Variants in PTPRN2 observed in about 807,000 individuals in gnomAD.
PTPRN2 encodes the protein protein tyrosine phosphatase receptor type N2.
Under a neutral mutation model 118.8 loss-of-function variants are expected in PTPRN2, and 74 were observed. That is an observed-to-expected ratio of 0.62 (90% confidence interval 0.52 to 0.76). PTPRN2 has a LOEUF of 0.76. Among genes scored for constraint, PTPRN2 ranks in the 30% least tolerant of loss-of-function variants. The pLI, the probability that PTPRN2 is intolerant of heterozygous loss-of-function variation, is 0.00. For missense variants in PTPRN2, 1,481 were observed against 1,394.4 expected, an observed-to-expected ratio of 1.06 and a Z score of -0.99; for synonymous variants, 641 against 608.0, an observed-to-expected ratio of 1.05 and a Z score of -0.80.
intron 1 of PTPRN2, among the ~76,000 whole-genome samples, chr7:158,575,349 C>T (rs186424924): frequency 1.2e-4 from 18 of 152,246 alleles, no homozygotes; most frequent in Non-Finnish European, 1.8e-4. Flanking sequence ...AAACCAAACA[C>T]GTCACTTTTT....
intron 2 of PTPRN2, among the ~76,000 whole-genome samples, chr7:158,373,662 T>C (rs1485392712): frequency 2.0e-5 from 3 of 152,230 alleles, no homozygotes. Flanking sequence ...TTCATCCATC[T>C]TTGAAATGAA....
intron 1 of PTPRN2, among the ~76,000 whole-genome samples, chr7:158,552,480 C>T (rs965723388): frequency 3.3e-5 from 5 of 152,202 alleles, no homozygotes; most frequent in Admixed American, 2.6e-4. Context: ...GGCTGGAGTG[C>T]GGGCTGGAGT....
intron 10 of PTPRN2, among the ~76,000 whole-genome samples, chr7:158,087,122 C>T (rs181465604): frequency 2.0e-5 from 3 of 152,352 alleles, no homozygotes; most frequent in Non-Finnish European, 4.4e-5. Context: ...AGCTGTCAGT[C>T]TGTGCCCTGC....
At chr7:158,536,346 G>A (rs1825643023) in intron 1 of PTPRN2, among the ~76,000 whole-genome samples, 1 of 152,202 alleles carries the variant, frequency 6.6e-6, no homozygotes, top group Admixed American at 6.5e-5. Flanking sequence ...AAGAAGTTAA[G>A]TAAGTGCTGC....
chr7:157,608,948 C>T (rs1011916411), intron 15 of PTPRN2, among the ~76,000 whole-genome samples: 20 of 152,158 alleles, frequency 1.3e-4, no homozygotes, highest in Non-Finnish European at 2.6e-4. Flanking sequence ...TACTGAGAGG[C>T]CAGGAAAATG....
intron 1 of PTPRN2, among the ~76,000 whole-genome samples, chr7:158,569,524 G>A (rs1827854724): frequency 6.6e-6 from 1 of 152,158 alleles, no homozygotes; most frequent in African/African-American, 2.4e-5. Flanking sequence ...CGGCTCTCAG[G>A]GTCCTGCTCT....
intron 17 of PTPRN2, among the ~76,000 whole-genome samples, chr7:157,593,097 C>T (rs577342706): frequency 4.9e-5 from 7 of 144,298 alleles, no homozygotes; most frequent in East Asian, 2.1e-4. Flanking sequence ...AGAGGCTTCA[C>T]GCAGGATGGA....
At chr7:157,702,468 G>C (rs1405280540) in intron 12 of PTPRN2, among the ~76,000 whole-genome samples, 1 of 152,206 alleles carries the variant, frequency 6.6e-6, no homozygotes, top group Non-Finnish European at 1.5e-5. Flanking sequence ...AAGCTGAGGT[G>C]TGTGCACCTC....
chr7:157,773,354 C>A (rs149441123), intron 12 of PTPRN2, among the ~76,000 whole-genome samples: 1 of 152,152 alleles, frequency 6.6e-6, no homozygotes, highest in African/African-American at 2.4e-5. Context: ...AGGAGAGAGG[C>A]GGCTCCCAAC....
intron 6 of PTPRN2, among the ~76,000 whole-genome samples, chr7:158,138,805 C>T: frequency 6.6e-6 from 1 of 152,188 alleles, no homozygotes; most frequent in East Asian, 1.9e-4. Flanking sequence ...TTCCAGAAAA[C>T]ACTGGAATGA....
chr7:157,766,268 T>G (rs955338272), intron 12 of PTPRN2, among the ~76,000 whole-genome samples: 1 of 141,740 alleles, frequency 7.1e-6, no homozygotes, highest in Non-Finnish European at 1.5e-5. Flanking sequence ...CCATCCATCC[T>G]TCCATCCATT....
chr7:157,773,523 A>T (rs1441214967), intron 12 of PTPRN2, among the ~76,000 whole-genome samples: 3 of 152,194 alleles, frequency 2.0e-5, no homozygotes, highest in Non-Finnish European at 2.9e-5. Flanking sequence ...TTTCTCCATC[A>T]GCCCGCTGCG....
At chr7:157,887,036 G>A (rs1796495648) in intron 12 of PTPRN2, among the ~76,000 whole-genome samples, 1 of 151,682 alleles carries the variant, frequency 6.6e-6, no homozygotes, top group Non-Finnish European at 1.5e-5. Context: ...GGCCTGTCCT[G>A]GGGCCATCGA....
Position 158,525,683 on chromosome 7 carries a change from G to C in PTPRN2, c.113-35898C>G, listed in dbSNP as rs915307262. 6.6e-6 allele frequency among the ~76,000 whole-genome samples: 1 copy of C among 152,220 alleles called. No homozygotes were observed. Among genetic ancestry groups the C allele is most frequent in the African/African-American group, 2.4e-5 (1 of 41,456 alleles). Reference sequence around the variant, plus strand: ...TTAAAGATCCTTTCATGCACAATGAGTATTTATCTAATGTGCCCTCCTCAT... The same window carrying C: ...TTAAAGATCCTTTCATGCACAATGACTATTTATCTAATGTGCCCTCCTCAT... On this transcript the variant is annotated intron_variant, in intron 1 of 22. Transcript: ENST00000389418. This position sits in a 1 kb window ranked among gnomAD's most constrained non-coding sequence, Gnocchi z 4.1.
In PTPRN2 at chr7:157,595,289, C is replaced by T. The variant is rs139538258; in HGVS notation, c.2445G>A (p.Ala815=). The T allele has an allele frequency of 9.8e-5, 158 of 1,614,220 alleles. No individual in the cohort carries two copies. In the Middle Eastern group the frequency reaches 1.8e-3, roughly 19 times the overall value. ...GCAGCGGTCCCTGGGTGGCGATGTA[C>T]GCGGGGTTCCTCGGGTCGTGATCCA... is the stretch of plus-strand genomic sequence containing the variant. The part of the protein sequence containing the change: ...PIMDHDPRNP[A]YIATQGPLPA... The change falls in exon 17 of 23, where the codon GCG becomes GCA. Residue 815 remains alanine, a synonymous_variant. Coordinates refer to ENST00000389418, the MANE Select transcript of PTPRN2 (RefSeq NM_002847.5).
chr7:157,845,064 T>C lies in PTPRN2; in HGVS notation c.1788+53609A>G, dbSNP rs200292856. Among the ~76,000 whole-genome samples the C allele has an allele frequency of 1.9e-3, 286 of 152,220 alleles. 2 individuals carry two copies. The highest frequency in any genetic ancestry group is 6.5e-3 in the African/African-American group (269 of 41,544). On this transcript the variant is annotated intron_variant, in intron 12 of 22. Transcript: ENST00000389418. The surrounding 1 kb of genome is among the most constrained non-coding windows in gnomAD (Gnocchi z 4.5). Reference sequence around the variant, plus strand: ...CCAGGGTTTGCCCTTGGTGTAGAGATAGACAAAGGGAGAGGTGAGCACAAG... The same window carrying C: ...CCAGGGTTTGCCCTTGGTGTAGAGACAGACAAAGGGAGAGGTGAGCACAAG...
chr7:157,595,440 G>C (rs1801243625), intron 16 of PTPRN2, 125 bp from the exon 17 acceptor site: 1 of 835,108 alleles, frequency 1.2e-6, no homozygotes, highest in Non-Finnish European at 1.9e-6. Flanking sequence ...AGGACGTTAA[G>C]AAACCCGGAG....
At chr7:158,210,292 C>T (rs887522765) in intron 3 of PTPRN2, among the ~76,000 whole-genome samples, 5 of 151,762 alleles carry the variant, frequency 3.3e-5, no homozygotes, top group Admixed American at 6.6e-5. Flanking sequence ...CCCGCTACCA[C>T]GCCTGGCTAA....
At chr7:158,253,269 C>T (rs1796802498) in intron 3 of PTPRN2, among the ~76,000 whole-genome samples, 1 of 150,970 alleles carries the variant, frequency 6.6e-6, no homozygotes, top group Non-Finnish European at 1.5e-5. Flanking sequence ...GGAGGACTGA[C>T]CGGGGCCAGC....
Sources: gnomAD v4.1 joint callset for allele counts (sites outside exome capture counted in the v4.1 genomes callset) on GRCh38, gnomAD v4.1.1 for gene constraint, Gnocchi (gnomAD v3.1) non-coding constraint, MANE v1.5 for transcripts, NCBI Gene and HGNC (gene_info 2026-07-23, HGNC 2026-07-21) for gene names.